Variants in ESRRA observed in about 807,000 individuals in gnomAD.
ESRRA encodes estrogen related receptor alpha.
ESRRA carries 7 observed loss-of-function variants against 35.6 expected under a neutral mutation model. That is an observed-to-expected ratio of 0.20 (90% CI 0.11 to 0.37). The LOEUF is 0.37. ESRRA is among the 10% of genes least tolerant of loss of function. The probability of loss-of-function intolerance (pLI) is 1.00; values close to 1 mark genes in which losing one functional copy is unlikely to be tolerated. For missense variants in ESRRA, 378 were observed against 561.7 expected (o/e 0.67, Z 3.31); for synonymous variants, 223 against 246.9 (o/e 0.90, Z 0.91).
intron 6 of ESRRA, 110 bp downstream of exon 6, chr11:64,315,380 G>T (rs1302860082): frequency 7.8e-7 from 1 of 1,287,984 alleles, no homozygotes; most frequent in African/African-American, 1.5e-5. Flanking sequence ...TGAGGCTTAG[G>T]GAAGAACAAT....
At position 64,313,050 on chromosome 11, in the gene ESRRA, G is replaced by C. The variant is rs772526907; in HGVS notation, c.326-901G>C. The stretch of plus-strand genomic sequence containing the variant: ...AATGGAGGCTTAATAGGACCCTCTT[G>C]GCTGCTGAGTCGAGAACAGACTGGA... On this transcript the variant is annotated intron_variant, in intron 2 of 6. Transcript: ENST00000000442. The surrounding 1 kb of genome is among the most constrained non-coding windows in gnomAD (Gnocchi z 4.0). Among the ~76,000 whole-genome samples the C allele has an allele frequency of 2.6e-5, 4 of 152,132 alleles. No homozygotes were observed. The highest frequency in any genetic ancestry group is 5.9e-5 in the Non-Finnish European group (4 of 68,032).
intron 2 of ESRRA, among the ~76,000 whole-genome samples, chr11:64,310,845 G>A (rs1460757193): frequency 5.9e-5 from 9 of 152,048 alleles, no homozygotes; most frequent in Admixed American, 2.0e-4. Context: ...ACTGCACCCC[G>A]CCAATCCAGC....
In ESRRA at chr11:64,313,433, G is replaced by T. The variant is rs973373916; in HGVS notation, c.326-518G>T. On this transcript the variant is annotated intron_variant, in intron 2 of 6. Transcript: ENST00000000442. This position sits in a 1 kb window ranked among gnomAD's most constrained non-coding sequence, Gnocchi z 4.0. ...GGAAGATTGCCATGGGATTGGAGAT[G>T]AGCTCCAAGGACAGCCCTGGCAGTC... Among the ~76,000 whole-genome samples the T allele has an allele frequency of 7.2e-5, 11 of 152,202 alleles. No homozygotes were observed. The highest frequency in any genetic ancestry group is 2.7e-4 in the African/African-American group (11 of 41,438).
rs1391447686 is a variant in ESRRA, at chr11:64,316,721, A to G, written c.*755A>G. ...GTTTTAAACCTTTAATGAGAAAAAA[A>G]TATATAATACCGAGCTCAAAAACAC... On this transcript the variant is annotated 3_prime_UTR_variant, in exon 7 of 7. Coordinates refer to ENST00000000442, the MANE Select transcript of ESRRA (RefSeq NM_004451.5). 3.1e-6 allele frequency: 2 copies of G among 639,138 alleles called. No individual in the cohort carries two copies. Among genetic ancestry groups the G allele is most frequent in the Non-Finnish European group, 5.6e-6 (2 of 355,224 alleles). The allele number at this position is 639,138 out of a possible 1,614,324, so 39.6% of individuals were successfully genotyped here. A position where few individuals can be genotyped will look rare whatever the true frequency, so the allele number is the denominator to read the frequency against.
In ESRRA at chr11:64,316,681, G is replaced by A. The variant is rs1410274107; in HGVS notation, c.*715G>A. On this transcript the variant is annotated 3_prime_UTR_variant, in exon 7 of 7. Transcript: ENST00000000442. ...TATTTTAATGTATATTTGCTGCAAA[G>A]AGAAACCGCTTTTGGTTTTAAACCT... 1.2e-5 allele frequency: 7 copies of A among 608,050 alleles called. No individual in the cohort carries two copies. Among genetic ancestry groups the A allele is most frequent in the African/African-American group, 3.7e-5 (2 of 53,760 alleles). 37.7% of individuals were successfully genotyped at this position (608,050 alleles called of 1,614,324 possible). A position where few individuals can be genotyped will look rare whatever the true frequency, so the allele number is the denominator to read the frequency against.
chr11:64,315,255 G>A lies in ESRRA; in HGVS notation c.997G>A (p.Ala333Thr). The A allele has an allele frequency of 3.2e-6, 5 of 1,565,946 alleles. No individual in the cohort carries two copies. The South Asian group carries it at 3.6e-5, about 11-fold the overall frequency. Reference sequence around the variant, plus strand: ...GGAGTATGTTCTACTAAAGGCCTTGGCCCTTGCCAATTCAGGTGAGTCTGG... The same window carrying A: ...GGAGTATGTTCTACTAAAGGCCTTGACCCTTGCCAATTCAGGTGAGTCTGG... ...REEYVLLKALALANSDSVHIE... is the reference protein window; with the variant it reads ...REEYVLLKALTLANSDSVHIE... The change falls in exon 6 of 7, where the codon GCC becomes ACC. Residue 333 changes from alanine to threonine, a missense_variant. By Grantham distance (58) the Ala-to-Thr change is moderately conservative. Around this residue, in one of 4 missense-constraint regions of ESRRA, gnomAD observed 284 missense variants for 411.7 expected, o/e 0.69. Transcript: ENST00000000442.
Position 64,316,647 on chromosome 11 carries a change from C to T in ESRRA, c.*681C>T, listed in dbSNP as rs2135265615. 2 of 562,502 alleles carry T rather than the reference C, an allele frequency of 3.6e-6. No homozygotes were observed. Among genetic ancestry groups the T allele is most frequent in the East Asian group, 6.3e-5 (2 of 31,850 alleles). The allele number at this position is 562,502 out of a possible 1,614,324, so 34.8% of individuals were successfully genotyped here. On this transcript the variant is annotated 3_prime_UTR_variant, in exon 7 of 7. Transcript: ENST00000000442. ...CCAGGGCCCAGAGCCCTTGGCTGTA[C>T]AGAGACTCTATTTTAATGTATATTT...
rs79204587 is a variant in ESRRA, at chr11:64,315,856, C to T, written c.1162C>T (p.Leu388Phe). 34,508 of 1,135,776 alleles carry T rather than the reference C, an allele frequency of 0.03. 1 individual carries two copies. The highest frequency in any genetic ancestry group is 0.074 in the Admixed American group (2,236 of 30,184). The allele number at this position is 1,135,776 out of a possible 1,614,324, so 70.4% of individuals were successfully genotyped here. The change falls in exon 7 of 7, where the codon CTC (leucine) becomes TTC (phenylalanine). Residue 388 changes from leucine to phenylalanine, a missense_variant. Physicochemically the swap from Leu to Phe is conservative, Grantham distance 22. Coordinates refer to ENST00000000442, the MANE Select transcript of ESRRA (RefSeq NM_004451.5). ...AGRLLLTLPL[L>F]RQTAGKVLAH... ...CAGGCTGCTGCTCACGCTACCGCTC[C>T]TCCGCCAGACAGCGGGCAAAGTGCT...
At chr11:64,315,577 C>T in intron 6 of ESRRA, 130 bp from the exon 7 acceptor site, 1 of 1,296,358 alleles carries the variant, frequency 7.7e-7, no homozygotes. Flanking sequence ...ATGAGTGGTG[C>T]CTCTCAGTCA....
chr11:64,308,522 C>CA (rs71045760), intron 2 of ESRRA, among the ~76,000 whole-genome samples: 44,093 of 86,814 alleles, frequency 0.51, 9,447 homozygotes, highest in East Asian at 0.64. Flanking sequence ...GATTCCATCT[C>CA]AAAAAAAAAA....
In ESRRA at chr11:64,315,975, G is replaced by A. The variant is rs1377813942; in HGVS notation, c.*9G>A. On this transcript the variant is annotated 3_prime_UTR_variant, in exon 7 of 7. Coordinates refer to ENST00000000442, the MANE Select transcript of ESRRA (RefSeq NM_004451.5). Reference sequence around the variant, plus strand: ...AGGCCATGATGGACTGAGGCAAGGGGTGGGACTGGTGGGGGTTCTGGCAGG... The same window carrying A: ...AGGCCATGATGGACTGAGGCAAGGGATGGGACTGGTGGGGGTTCTGGCAGG... 1 of 1,549,728 alleles carries A rather than the reference G, an allele frequency of 6.5e-7. No homozygotes were observed. The highest frequency in any genetic ancestry group is 8.7e-7 in the Non-Finnish European group (1 of 1,143,472).
chr11:64,310,274 G>A (rs922607901), intron 2 of ESRRA, among the ~76,000 whole-genome samples: 8 of 136,886 alleles, frequency 5.8e-5, no homozygotes, highest in Admixed American at 3.1e-4. Context: ...TCGTGTGGTC[G>A]CCCAGGCTGG....
rs1425666873 is a variant in ESRRA, at chr11:64,315,735, T to C, written c.1041T>C (p.Ala347=). The C allele has an allele frequency of 6.2e-7, 1 of 1,613,832 alleles. No individual in the cohort carries two copies. Among genetic ancestry groups the C allele is most frequent in the African/African-American group, 1.3e-5 (1 of 74,950 alleles). ...CTGTGCACATCGAAGATGCCGAGGC[T>C]GTGGAGCAGCTGCGAGAAGCTCTGC... ...SDSVHIEDAE[A]VEQLREALHE... The change falls in exon 7 of 7, where the codon GCT becomes GCC. Residue 347 remains alanine, a synonymous_variant. Coordinates refer to ENST00000000442, the MANE Select transcript of ESRRA (RefSeq NM_004451.5).
rs1391509741 is a variant in ESRRA at position 64,316,037 on chromosome 11, C to T, written c.*71C>T. The T allele has an allele frequency of 2.5e-5, 37 of 1,499,802 alleles. No homozygotes were observed. Among genetic ancestry groups the T allele is most frequent in the African/African-American group, 7.0e-5 (5 of 71,370 alleles). 92.9% of individuals were successfully genotyped at this position (1,499,802 alleles called of 1,614,324 possible). A position where few individuals can be genotyped will look rare whatever the true frequency, so the allele number is the denominator to read the frequency against. On this transcript the variant is annotated 3_prime_UTR_variant, in exon 7 of 7. Coordinates refer to ENST00000000442, the MANE Select transcript of ESRRA (RefSeq NM_004451.5). The stretch of plus-strand genomic sequence containing the variant: ...ATGGGGTCAGCCCCAAGGGCTGGGG[C>T]GGAGCTGGGGTCTGGGCAGTGCCAC...
chr11:64,314,695 C>T, intron 4 of ESRRA, 46 bp from the exon 5 acceptor site: 1 of 1,573,328 alleles, frequency 6.4e-7, no homozygotes, highest in Non-Finnish European at 8.6e-7. Context: ...CCCCTGAGGC[C>T]TGACAGATTC....
At chr11:64,314,209 G>C in intron 3 of ESRRA, 30 bp from the exon 4 acceptor site, 1 of 1,594,786 alleles carries the variant, frequency 6.3e-7, no homozygotes, top group Non-Finnish European at 8.5e-7. Context: ...CAGCACCACA[G>C]TCACAGTCCT....
intron 2 of ESRRA, among the ~76,000 whole-genome samples, chr11:64,311,698 C>A (rs1006750145): frequency 2.1e-5 from 3 of 142,764 alleles, no homozygotes; most frequent in Non-Finnish European, 4.6e-5. Context: ...ACGCTCCCGG[C>A]CTCTTTTTTT....
In ESRRA at chr11:64,307,359, G is replaced by A; in HGVS notation, c.180G>A (p.Gly60=). ...AAGAGGAGGATGGGGAGGGGGCTGG[G>A]CCTGGCGAGCAGGGCGGTGGGAAGC... The part of the protein sequence containing the change: ...HKEEEDGEGA[G]PGEQGGGKLV... Residue 60 remains glycine (G), a synonymous_variant, in exon 2 of 7, where the codon GGG becomes GGA. Coordinates refer to ENST00000000442, the MANE Select transcript of ESRRA (RefSeq NM_004451.5). The A allele has an allele frequency of 1.9e-6, 3 of 1,610,488 alleles. No homozygotes were observed. Among genetic ancestry groups the A allele is most frequent in the Non-Finnish European group, 2.5e-6 (3 of 1,178,294 alleles).
intron 1 of ESRRA, 72 bp from the exon 2 acceptor site, chr11:64,307,096 A>G: frequency 7.4e-7 from 1 of 1,351,786 alleles, no homozygotes; most frequent in Non-Finnish European, 1.0e-6. Flanking sequence ...AGGTTGGGCA[A>G]CCCGTGTGGC....
Sources: gnomAD v4.1 joint callset for allele counts (sites outside exome capture counted in the v4.1 genomes callset) on GRCh38, gnomAD v4.1.1 for gene constraint, gnomAD v4.1.1 regional missense constraint, Gnocchi (gnomAD v3.1) non-coding constraint, MANE v1.5 for transcripts, NCBI Gene and HGNC (gene_info 2026-07-23, HGNC 2026-07-21) for gene names.